The following CTNNA3 variants were observed in gnomAD, a reference collection of about 807,000 sequenced individuals.
The protein encoded by CTNNA3 is catenin alpha-3.
CTNNA3 carries 76 observed loss-of-function variants against 95.7 expected under a neutral mutation model. That is an observed-to-expected ratio of 0.79 (90% CI 0.66 to 0.96). CTNNA3 has a LOEUF of 0.96. CTNNA3 is among the 40% of genes least tolerant of loss of function. The pLI is 0.00. For missense variants in CTNNA3, 1,191 were observed against 1,089.8 expected, an observed-to-expected ratio of 1.09 and a Z score of -1.31; for synonymous variants, 431 against 374.4, an observed-to-expected ratio of 1.15 and a Z score of -1.74.
intron 13 of CTNNA3, among the ~76,000 whole-genome samples, chr10:66,145,236 C>T (rs953956859): frequency 5.9e-5 from 9 of 152,276 alleles, no homozygotes; most frequent in African/African-American, 1.9e-4. Flanking sequence ...CCTGTAAGGG[C>T]TACTCCACAG....
intron 1 of CTNNA3, among the ~76,000 whole-genome samples, chr10:67,659,823 C>A (rs575513826): frequency 3.9e-5 from 6 of 152,292 alleles, no homozygotes; most frequent in African/African-American, 1.2e-4. Flanking sequence ...TATATGAATT[C>A]TCGTAAGGTC....
At chr10:66,011,501 C>T (rs1304576620) in intron 15 of CTNNA3, among the ~76,000 whole-genome samples, 1 of 152,014 alleles carries the variant, frequency 6.6e-6, no homozygotes, top group Admixed American at 6.6e-5. Flanking sequence ...CATTTTACAA[C>T]CTAAACAAAT....
At chr10:67,237,915 C>T (rs1865565885) in intron 5 of CTNNA3, among the ~76,000 whole-genome samples, 1 of 152,110 alleles carries the variant, frequency 6.6e-6, no homozygotes, top group African/African-American at 2.4e-5. Flanking sequence ...CAATAAGTGC[C>T]TGAACACTAT....
intron 11 of CTNNA3, among the ~76,000 whole-genome samples, chr10:66,445,428 G>A (rs1366575157): frequency 6.6e-6 from 1 of 151,982 alleles, no homozygotes; most frequent in Non-Finnish European, 1.5e-5. Context: ...TGGAAGTAAA[G>A]CACTCCTCAG....
intron 7 of CTNNA3, among the ~76,000 whole-genome samples, chr10:66,903,913 T>C (rs1441092242): frequency 3.9e-5 from 6 of 152,160 alleles, no homozygotes; most frequent in African/African-American, 1.4e-4. Context: ...TCCATGCTCA[T>C]GGATAGGAAG....
chr10:67,153,033 T>C (rs1489819199), intron 7 of CTNNA3, among the ~76,000 whole-genome samples: 1 of 151,936 alleles, frequency 6.6e-6, no homozygotes, highest in Non-Finnish European at 1.5e-5. Flanking sequence ...TGGAGTATAG[T>C]GGTGTGATAT....
intron 7 of CTNNA3, among the ~76,000 whole-genome samples, chr10:67,069,470 C>A (rs551604284): frequency 1.3e-5 from 2 of 151,960 alleles, no homozygotes; most frequent in East Asian, 3.9e-4. Context: ...GTATACATAT[C>A]ATGATGGTGA....
At chr10:66,503,456 T>C (rs1342145801) in intron 11 of CTNNA3, among the ~76,000 whole-genome samples, 3 of 151,288 alleles carry the variant, frequency 2.0e-5, no homozygotes, top group Non-Finnish European at 4.4e-5. Context: ...CAAGCATACA[T>C]AACTCCCTCC....
At chr10:67,214,307 T>A (rs1268679910) in intron 6 of CTNNA3, among the ~76,000 whole-genome samples, 1 of 151,752 alleles carries the variant, frequency 6.6e-6, no homozygotes, top group Non-Finnish European at 1.5e-5. Flanking sequence ...TACACATTTT[T>A]AGTAGTTACT....
At chr10:66,187,520 G>C (rs2086408162) in intron 13 of CTNNA3, among the ~76,000 whole-genome samples, 1 of 151,324 alleles carries the variant, frequency 6.6e-6, no homozygotes, top group African/African-American at 2.4e-5. Context: ...GTGCAAGCAG[G>C]AAGTGAGGCC....
At chr10:66,290,204 A>G (rs1217380940) in intron 12 of CTNNA3, among the ~76,000 whole-genome samples, 1 of 152,052 alleles carries the variant, frequency 6.6e-6, no homozygotes, top group Non-Finnish European at 1.5e-5. Flanking sequence ...CCCAAAAGTG[A>G]ATTAAAAGCA....
intron 15 of CTNNA3, among the ~76,000 whole-genome samples, chr10:66,041,226 T>G (rs2079681178): frequency 6.6e-6 from 1 of 152,180 alleles, no homozygotes; most frequent in Non-Finnish European, 1.5e-5. Context: ...CTGACTAGTA[T>G]TCTTTAAAAG....
intron 7 of CTNNA3, among the ~76,000 whole-genome samples, chr10:66,839,054 G>A (rs1244689806): frequency 1.3e-5 from 2 of 151,946 alleles, no homozygotes; most frequent in East Asian, 1.9e-4. Flanking sequence ...ACAGAATCAA[G>A]AGTAAGTTCT....
At chr10:66,709,320 G>A (rs1006165845) in intron 9 of CTNNA3, among the ~76,000 whole-genome samples, 1 of 152,012 alleles carries the variant, frequency 6.6e-6, no homozygotes, top group African/African-American at 2.4e-5. Context: ...CCTTGACATA[G>A]CTGAGATAGG....
intron 11 of CTNNA3, among the ~76,000 whole-genome samples, chr10:66,436,986 T>C (rs1234403809): frequency 2.0e-5 from 3 of 152,152 alleles, no homozygotes; most frequent in African/African-American, 7.2e-5. Context: ...GGTTGAAAAT[T>C]CTTTTCTTTA....
intron 7 of CTNNA3, among the ~76,000 whole-genome samples, chr10:67,136,764 A>G (rs1359628644): frequency 6.6e-6 from 1 of 152,240 alleles, no homozygotes; most frequent in African/African-American, 2.4e-5. Flanking sequence ...ACCCAGCACA[A>G]GAAATCTTGC....
At chr10:67,136,735 A>C (rs1442901502) in intron 7 of CTNNA3, among the ~76,000 whole-genome samples, 1 of 152,212 alleles carries the variant, frequency 6.6e-6, no homozygotes, top group Admixed American at 6.5e-5. Context: ...TTCCTCAAAA[A>C]AGAAACTTGA....
intron 13 of CTNNA3, among the ~76,000 whole-genome samples, chr10:66,104,006 G>A (rs4746548): frequency 0.18 from 27,681 of 152,138 alleles, 2,746 homozygotes; most frequent in South Asian, 0.35. Flanking sequence ...GATGCTTACA[G>A]TTGATAAATG....
intron 7 of CTNNA3, among the ~76,000 whole-genome samples, chr10:66,894,465 C>G (rs1845397333): frequency 1.3e-5 from 2 of 151,940 alleles, no homozygotes; most frequent in African/African-American, 4.8e-5. Flanking sequence ...ATATCTGACT[C>G]AAGCTTGTTT....
Sources: gnomAD v4.1 joint callset for allele counts (sites outside exome capture counted in the v4.1 genomes callset) on GRCh38, gnomAD v4.1.1 for gene constraint, MANE v1.5 for transcripts, NCBI Gene and HGNC (gene_info 2026-07-23, HGNC 2026-07-21) for gene names.